CNTN3: variants seen among roughly 807,000 people sequenced by gnomAD.
CNTN3 encodes the protein contactin-3.
A neutral mutation model predicts 119.1 loss-of-function variants in CNTN3; 60 were observed. That is an observed-to-expected ratio of 0.50 (90% CI 0.41 to 0.62). The LOEUF (loss-of-function observed/expected upper bound fraction) is 0.62. Ranked by LOEUF, CNTN3 falls within the 20% of genes least tolerant of loss-of-function variation. The pLI is 0.00. For missense variants in CNTN3, 1,101 were observed against 1,242.4 expected, an observed-to-expected ratio of 0.89 and a Z score of 1.71; for synonymous variants, 450 against 438.7, an observed-to-expected ratio of 1.03 and a Z score of -0.32.
At chr3:74,431,212 T>A (rs994426381) in intron 4 of CNTN3, among the ~76,000 whole-genome samples, 3 of 152,148 alleles carry the variant, frequency 2.0e-5, no homozygotes, top group African/African-American at 7.2e-5. Context: ...CAAGGAAAAC[T>A]CCAGGAAACC....
chr3:74,495,398 A>G (rs1223403129), intron 3 of CNTN3, among the ~76,000 whole-genome samples: 2 of 152,056 alleles, frequency 1.3e-5, no homozygotes, highest in Non-Finnish European at 2.9e-5. Context: ...AGACTAGCAT[A>G]TAGCACATAT....
chr3:74,303,252 G>A (rs979707287), intron 13 of CNTN3, among the ~76,000 whole-genome samples: 21 of 152,004 alleles, frequency 1.4e-4, no homozygotes, highest in African/African-American at 3.6e-4. Flanking sequence ...CATGACAAGC[G>A]GATTACCATG....
intron 13 of CNTN3, among the ~76,000 whole-genome samples, chr3:74,318,157 C>T (rs983455723): frequency 6.6e-5 from 10 of 152,202 alleles, no homozygotes; most frequent in South Asian, 2.1e-4. Flanking sequence ...GCATTCTTCA[C>T]GTAGTTCTCA....
chr3:74,543,077 A>G (rs115624359), intron 1 of CNTN3, among the ~76,000 whole-genome samples: 2,899 of 152,166 alleles, frequency 0.019, 38 homozygotes, highest in Middle Eastern at 0.065. Flanking sequence ...GCAGTGTGCT[A>G]TGAGTGTACA....
chr3:74,371,268 A>T lies in CNTN3; in HGVS notation c.586T>A (p.Cys196Ser), dbSNP rs1412224794. ...VEPSDVGNYT[C>S]VVTSMVTNAR... ...TTTGTCACCATACTTGTCACCACAC[A>T]TGTGTAATTTCCCACATCAGACGGC... Residue 196 changes from cysteine to serine, a missense_variant, in exon 6 of 23, where the codon TGT becomes AGT. Coordinates refer to ENST00000263665, the MANE Select transcript of CNTN3 (RefSeq NM_020872.3). 2 of 1,613,550 alleles carry T rather than the reference A, an allele frequency of 1.2e-6. No individual in the cohort carries two copies. The highest frequency in any genetic ancestry group is 1.7e-5 in the Admixed American group (1 of 59,908).
chr3:74,264,789 C>T (rs1199555578), intron 22 of CNTN3, among the ~76,000 whole-genome samples: 1 of 152,088 alleles, frequency 6.6e-6, no homozygotes, highest in Admixed American at 6.6e-5. Context: ...GACTAAGACA[C>T]AGAGCAAAGG....
intron 11 of CNTN3, among the ~76,000 whole-genome samples, chr3:74,357,516 CA>C (rs1703965235): frequency 6.6e-6 from 1 of 152,018 alleles, no homozygotes. Context: ...CTCCTGACCT[CA>C]GGTGATCCAC....
At chr3:74,554,819 C>T (rs1253047575) in intron 1 of CNTN3, among the ~76,000 whole-genome samples, 4 of 152,154 alleles carry the variant, frequency 2.6e-5, no homozygotes, top group African/African-American at 7.2e-5. Context: ...TGGGCTGAGA[C>T]GATGGGGTTT....
At chr3:74,480,970 G>GA (rs1225574951) in intron 4 of CNTN3, among the ~76,000 whole-genome samples, 3 of 150,004 alleles carry the variant, frequency 2.0e-5, no homozygotes, top group Admixed American at 6.7e-5. Context: ...AAGGAAGAAA[G>GA]AAAAAAAAGA....
At chr3:74,374,524 T>C (rs1262692507) in intron 5 of CNTN3, among the ~76,000 whole-genome samples, 1 of 152,050 alleles carries the variant, frequency 6.6e-6, no homozygotes, top group Non-Finnish European at 1.5e-5. Flanking sequence ...GACAATCCCC[T>C]CATGTCACTC....
At chr3:74,506,878 C>T (rs1703271174) in intron 2 of CNTN3, among the ~76,000 whole-genome samples, 1 of 152,060 alleles carries the variant, frequency 6.6e-6, no homozygotes, top group Admixed American at 6.5e-5. Flanking sequence ...ATTTCTTTAA[C>T]ACATTACTTT....
chr3:74,269,338 C>T lies in CNTN3; in HGVS notation c.2705-1960G>A, dbSNP rs185057998. On this transcript the variant is annotated intron_variant, in intron 20 of 22. Transcript: ENST00000263665. ...ACATTCTAAATTTTTATAATGTTCG[C>T]GAACTACCTTAAGATCATCTCTTAC... 4.6e-4 allele frequency among the ~76,000 whole-genome samples: 70 copies of T among 152,012 alleles called. 2 individuals are homozygous for T. In the East Asian group the frequency reaches 0.012, roughly 27 times the overall value.
intron 1 of CNTN3, among the ~76,000 whole-genome samples, chr3:74,600,034 T>G (rs3886343): frequency 2.0e-5 from 3 of 151,802 alleles, no homozygotes; most frequent in Non-Finnish European, 4.4e-5. Flanking sequence ...AGTTGGTTGA[T>G]GACAGTTTTT....
chr3:74,591,532 C>A (rs1704702744), intron 1 of CNTN3, among the ~76,000 whole-genome samples: 1 of 151,354 alleles, frequency 6.6e-6, no homozygotes, highest in South Asian at 2.1e-4. Context: ...AGAGGAGAGA[C>A]CAGAGAGGCA....
intron 11 of CNTN3, among the ~76,000 whole-genome samples, chr3:74,349,445 G>T (rs924339623): frequency 2.0e-5 from 3 of 152,158 alleles, no homozygotes; most frequent in African/African-American, 7.2e-5. Context: ...GGTTTTCTAG[G>T]TTGAGAAGAA....
chr3:74,583,261 G>C (rs138814732), intron 1 of CNTN3, among the ~76,000 whole-genome samples: 1 of 152,040 alleles, frequency 6.6e-6, no homozygotes, highest in Non-Finnish European at 1.5e-5. Flanking sequence ...AAACACACAA[G>C]CTAAGTAAAC....
intron 19 of CNTN3, among the ~76,000 whole-genome samples, chr3:74,285,790 G>GATATGTATGTATAT: frequency 1.8e-5 from 1 of 56,544 alleles, no homozygotes; most frequent in South Asian, 1.1e-3. Context: ...ATGAAGGGGA[G>GATATGTATGTATAT]ATATATATAT....
intron 20 of CNTN3, among the ~76,000 whole-genome samples, chr3:74,282,946 C>T (rs1018591354): frequency 2.0e-5 from 3 of 151,950 alleles, no homozygotes; most frequent in African/African-American, 4.8e-5. Flanking sequence ...TACAGATCAA[C>T]CTAAAGACTC....
intron 5 of CNTN3, among the ~76,000 whole-genome samples, chr3:74,418,700 T>C (rs1450202790): frequency 4.6e-5 from 7 of 152,106 alleles, no homozygotes; most frequent in African/African-American, 1.7e-4. Context: ...TCTCTATATT[T>C]TTTTATTTTG....
Sources: gnomAD v4.1 joint callset for allele counts (sites outside exome capture counted in the v4.1 genomes callset) on GRCh38, gnomAD v4.1.1 for gene constraint, MANE v1.5 for transcripts, NCBI Gene and HGNC (gene_info 2026-07-23, HGNC 2026-07-21) for gene names.